RABGAP1L: variants seen among roughly 807,000 people sequenced by gnomAD.
The protein encoded by RABGAP1L is rab GTPase-activating protein 1-like.
RABGAP1L carries 63 observed loss-of-function variants against 137.7 expected under a neutral mutation model. The observed-to-expected ratio is 0.46, with a 90% CI of 0.37 to 0.56. RABGAP1L has a LOEUF of 0.56. RABGAP1L is among the 20% of genes least tolerant of loss of function. The pLI is 0.00. For missense variants in RABGAP1L, 1,095 were observed against 1,244.0 expected (o/e 0.88, Z 1.80); for synonymous variants, 431 against 433.7 (o/e 0.99, Z 0.08).
chr1:174,828,828 G>T (rs1260901843), intron 19 of RABGAP1L, among the ~76,000 whole-genome samples: 1 of 147,860 alleles, frequency 6.8e-6, no homozygotes, highest in Admixed American at 6.8e-5. Context: ...CACTGTTGGC[G>T]TTAAGAACGT....
At chr1:174,758,447 C>T (rs1024366835) in intron 18 of RABGAP1L, among the ~76,000 whole-genome samples, 2 of 152,054 alleles carry the variant, frequency 1.3e-5, no homozygotes, top group Non-Finnish European at 2.9e-5. Context: ...TCACCGCCCT[C>T]CCACCCTTTC....
intron 19 of RABGAP1L, among the ~76,000 whole-genome samples, chr1:174,891,864 TAGAA>T (rs1282456234): frequency 6.6e-6 from 1 of 152,126 alleles, no homozygotes; most frequent in Non-Finnish European, 1.5e-5. Flanking sequence ...ATGTTGACTA[TAGAA>T]AATTTTGAAA....
At chr1:174,364,929 GC>G (rs1684482602) in intron 11 of RABGAP1L, among the ~76,000 whole-genome samples, 1 of 152,146 alleles carries the variant, frequency 6.6e-6, no homozygotes, top group Non-Finnish European at 1.5e-5. Flanking sequence ...TTATCCAGGA[GC>G]TGGGGCCTGG....
At chr1:174,901,201 TATC>T (rs1658087814) in intron 19 of RABGAP1L, among the ~76,000 whole-genome samples, 1 of 152,242 alleles carries the variant, frequency 6.6e-6, no homozygotes, top group South Asian at 2.1e-4. Context: ...TGTATTGTTT[TATC>T]ATGATTCTTA....
chr1:174,347,728 T>C (rs1023776963), intron 11 of RABGAP1L, among the ~76,000 whole-genome samples: 1 of 152,210 alleles, frequency 6.6e-6, no homozygotes. Context: ...TCTCCTGACC[T>C]CATGATCTGC....
intron 17 of RABGAP1L, among the ~76,000 whole-genome samples, chr1:174,706,855 A>G (rs375419470): frequency 6.6e-6 from 1 of 152,278 alleles, no homozygotes; most frequent in East Asian, 1.9e-4. Flanking sequence ...TTTTCTGTCT[A>G]ACTTTTTTTA....
intron 4 of RABGAP1L, among the ~76,000 whole-genome samples, chr1:174,240,948 G>A (rs1284769360): frequency 1.3e-5 from 2 of 152,158 alleles, no homozygotes; most frequent in African/African-American, 4.8e-5. Flanking sequence ...TTGTGTGTGT[G>A]TGTGTGTGTG....
chr1:174,239,886 G>T (rs1671641536), intron 4 of RABGAP1L, among the ~76,000 whole-genome samples: 1 of 152,124 alleles, frequency 6.6e-6, no homozygotes, highest in Non-Finnish European at 1.5e-5. Context: ...TAGAATGTGG[G>T]AAAACTTTTG....
intron 14 of RABGAP1L, among the ~76,000 whole-genome samples, chr1:174,680,221 T>C (rs190616247): frequency 2.0e-5 from 3 of 152,342 alleles, no homozygotes; most frequent in Admixed American, 1.3e-4. Context: ...AAAATTCATA[T>C]GTTGAAATGC....
At chr1:174,357,954 C>G (rs557558357) in intron 11 of RABGAP1L, among the ~76,000 whole-genome samples, 1 of 152,200 alleles carries the variant, frequency 6.6e-6, no homozygotes, top group African/African-American at 2.4e-5. Context: ...CAGCCACTCT[C>G]TAAGATAAGT....
At chr1:174,664,741 T>C (rs1427194524) in intron 14 of RABGAP1L, among the ~76,000 whole-genome samples, 3 of 135,180 alleles carry the variant, frequency 2.2e-5, no homozygotes, top group South Asian at 2.3e-4. Flanking sequence ...TTTCTTTTTT[T>C]TTTTTTTTTT....
rs917198497 is a variant in RABGAP1L, at chr1:174,700,367, G to A, written c.2025+717G>A. ...TGACTTTGTTTAAAAGGGGTTTTGG[G>A]AATCCAAGAGAAATGTGAAGGAGAT... On this transcript the variant is annotated intron_variant, in intron 16 of 25. Coordinates refer to ENST00000681986, the MANE Select transcript of RABGAP1L (RefSeq NM_001366446.1). 1.4e-4 allele frequency: 22 copies of A among 152,272 alleles called. 1 individual carries two copies. Among genetic ancestry groups the A allele is most frequent in the Admixed American group, 1.4e-3 (21 of 15,290 alleles). The allele number at this position is 152,272 out of a possible 1,614,324, so 9.4% of individuals were successfully genotyped here.
At chr1:174,753,137 G>A (rs527779618) in intron 18 of RABGAP1L, among the ~76,000 whole-genome samples, 1 of 143,858 alleles carries the variant, frequency 7.0e-6, no homozygotes, top group South Asian at 2.1e-4. Context: ...TCAAAGTCTG[G>A]GTTTTGAGAT....
chr1:174,941,388 C>G (rs1665844591), intron 19 of RABGAP1L, among the ~76,000 whole-genome samples: 1 of 152,190 alleles, frequency 6.6e-6, no homozygotes, highest in Non-Finnish European at 1.5e-5. Flanking sequence ...ATCTTTAAAT[C>G]TACACCAGAG....
At chr1:174,444,685 C>T (rs1571843407) in intron 13 of RABGAP1L, among the ~76,000 whole-genome samples, 2 of 152,010 alleles carry the variant, frequency 1.3e-5, no homozygotes, top group Admixed American at 1.3e-4. Context: ...TGTATGTGTC[C>T]AGGAATTTAG....
intron 11 of RABGAP1L, among the ~76,000 whole-genome samples, chr1:174,307,471 C>T (rs1678401620): frequency 6.6e-6 from 1 of 152,128 alleles, no homozygotes. Flanking sequence ...CTCCCCTTTC[C>T]CTTCCCCCTG....
intron 19 of RABGAP1L, among the ~76,000 whole-genome samples, chr1:174,816,147 C>CTTTTTTTTT (rs67065448): frequency 1.2e-4 from 10 of 86,188 alleles, no homozygotes; most frequent in South Asian, 1.0e-3. Context: ...TAATACATAG[C>CTTTTTTTTT]TTTTTTTTTT....
chr1:174,759,664 G>A (rs1208192920), intron 18 of RABGAP1L, among the ~76,000 whole-genome samples: 1 of 152,074 alleles, frequency 6.6e-6, no homozygotes, highest in African/African-American at 2.4e-5. Flanking sequence ...ACGAAACATA[G>A]TACTGATATC....
chr1:174,293,603 G>C (rs960938200), intron 10 of RABGAP1L, among the ~76,000 whole-genome samples: 4 of 151,948 alleles, frequency 2.6e-5, no homozygotes, highest in Non-Finnish European at 5.9e-5. Flanking sequence ...CTTTAGTCTA[G>C]GTTTTATTAG....
Sources: gnomAD v4.1 joint callset for allele counts (sites outside exome capture counted in the v4.1 genomes callset) on GRCh38, gnomAD v4.1.1 for gene constraint, MANE v1.5 for transcripts, NCBI Gene and HGNC (gene_info 2026-07-23, HGNC 2026-07-21) for gene names.